The following AREL1 variants were observed in gnomAD, a reference collection of about 807,000 sequenced individuals.
AREL1 encodes the protein apoptosis-resistant E3 ubiquitin protein ligase 1.
A neutral mutation model predicts 99.0 loss-of-function variants in AREL1; 62 were observed. That is an observed-to-expected ratio of 0.63 (90% CI 0.51 to 0.77). The LOEUF (loss-of-function observed/expected upper bound fraction) is 0.77. AREL1 is among the 30% of genes least tolerant of loss of function. The pLI is 0.00. For missense variants in AREL1, 879 were observed against 1,027.6 expected (o/e 0.86, Z 1.98); for synonymous variants, 380 against 376.5 (o/e 1.01, Z -0.11).
intron 10 of AREL1, 23 bp downstream of exon 10, chr14:74,673,054 A>G: frequency 2.5e-6 from 4 of 1,614,004 alleles, no homozygotes; most frequent in Non-Finnish European, 2.5e-6. Context: ...TACCTTCCCT[A>G]TAGAATCCCT....
At chr14:74,685,775 C>A in intron 2 of AREL1, 115 bp from the exon 3 acceptor site, 1 of 796,536 alleles carries the variant, frequency 1.3e-6, no homozygotes, top group South Asian at 1.8e-5. Flanking sequence ...AGTCCAGAGC[C>A]TTACTATTCC....
chr14:74,677,730 C>T (rs570039144), intron 5 of AREL1, among the ~76,000 whole-genome samples: 49 of 151,020 alleles, frequency 3.2e-4, no homozygotes, highest in Non-Finnish European at 6.1e-4. Context: ...CTCAAACTCC[C>T]CACCTTGTAA....
chr14:74,684,346 G>T, intron 4 of AREL1, 108 bp downstream of exon 4: 1 of 958,184 alleles, frequency 1.0e-6, no homozygotes, highest in Non-Finnish European at 1.6e-6. Flanking sequence ...TTCCTGGAGG[G>T]AGTTGAAAAA....
chr14:74,702,002 G>T (rs2090093882), intron 1 of AREL1, among the ~76,000 whole-genome samples: 1 of 152,336 alleles, frequency 6.6e-6, no homozygotes. Flanking sequence ...GGTTCCCATG[G>T]TCTGGGGCAG....
intron 1 of AREL1, among the ~76,000 whole-genome samples, chr14:74,703,879 G>A (rs1481223129): frequency 1.3e-5 from 2 of 152,142 alleles, no homozygotes; most frequent in Admixed American, 6.6e-5. Context: ...GGGTCATATG[G>A]TAAGTATCTA....
At chr14:74,692,682 C>T (rs2089907017) in intron 1 of AREL1, among the ~76,000 whole-genome samples, 1 of 152,112 alleles carries the variant, frequency 6.6e-6, no homozygotes, top group African/African-American at 2.4e-5. Context: ...CATTGAGCTT[C>T]AGAATTAGAC....
chr14:74,679,056 C>G (rs545504511), intron 5 of AREL1, among the ~76,000 whole-genome samples: 112 of 152,298 alleles, frequency 7.4e-4, no homozygotes, highest in South Asian at 6.2e-3. Flanking sequence ...CACGCCACCA[C>G]ACCCAGCTAA....
chr14:74,707,081 G>C (rs757924011), intron 1 of AREL1, among the ~76,000 whole-genome samples: 1 of 152,148 alleles, frequency 6.6e-6, no homozygotes, highest in African/African-American at 2.4e-5. Context: ...AATTATACAC[G>C]ATCTGGTCGG....
chr14:74,682,333 C>CAGCCCTT (rs2089648933), intron 5 of AREL1, among the ~76,000 whole-genome samples: 1 of 152,174 alleles, frequency 6.6e-6, no homozygotes, highest in Non-Finnish European at 1.5e-5. Flanking sequence ...GTGGATACCA[C>CAGCCCTT]AGCCCTTAGC....
chr14:74,674,568 C>G (rs1452437592), intron 8 of AREL1, among the ~76,000 whole-genome samples: 2 of 152,036 alleles, frequency 1.3e-5, no homozygotes, highest in Non-Finnish European at 1.5e-5. Context: ...GACCATGGCA[C>G]TCCAGCATGG....
Position 74,670,091 on chromosome 14 carries a change from G to GTCC in AREL1, c.1643_1644insGGA (p.Arg548_Leu549insAsp), listed in dbSNP as rs1566680161. On this transcript the variant is annotated inframe_insertion, in exon 14 of 20. Transcript: ENST00000356357. ...GTCCCGCAAACTCATACATTTTCAGGCGCAGATGAGCGGGGCGATTAGGGT... is the reference window on the plus strand; with the variant it reads ...GTCCCGCAAACTCATACATTTTCAGGTCCCGCAGATGAGCGGGGCGATTAGGGT... 1.2e-6 allele frequency: 2 copies of GTCC among 1,613,074 alleles called. No individual in the cohort carries two copies. The highest frequency in any genetic ancestry group is 1.7e-6 in the Non-Finnish European group (2 of 1,179,302).
At position 74,676,211 on chromosome 14, in the gene AREL1, G is replaced by A. The variant is rs893843614; in HGVS notation, c.762C>T (p.Cys254=). 6.2e-7 allele frequency: 1 copy of A among 1,614,098 alleles called. No homozygotes were observed. The highest frequency in any genetic ancestry group is 1.3e-5 in the African/African-American group (1 of 75,016). The change falls in exon 7 of 20, where the codon TGC becomes TGT. Residue 254 remains cysteine (C), a synonymous_variant. Coordinates refer to ENST00000356357, the MANE Select transcript of AREL1 (RefSeq NM_001039479.2). ...FLRLTLHSRG[C]FHACISYQNQ... is the part of the protein sequence containing the mutation. ...TTTGGTATGAAATGCAAGCATGGAA[G>A]CAGCCTCGAGAATGCAGGGTGAGTC...
chr14:74,669,837 T>G, intron 14 of AREL1, 63 bp from the exon 15 acceptor site: 1 of 1,599,420 alleles, frequency 6.3e-7, no homozygotes, highest in African/African-American at 1.3e-5. Context: ...GTGTAACTGC[T>G]TAGAACCACT....
At chr14:74,683,712 C>T (rs924562525) in intron 4 of AREL1, among the ~76,000 whole-genome samples, 179 bp from the exon 5 acceptor site, 1 of 152,198 alleles carries the variant, frequency 6.6e-6, no homozygotes, top group Non-Finnish European at 1.5e-5. Context: ...CCCCTCAATA[C>T]TCTAAAGAAA....
chr14:74,675,765 G>A lies in AREL1; in HGVS notation c.1014C>T (p.Pro338=), dbSNP rs748223905. The change falls in exon 8 of 20, where the codon CCC becomes CCT. Residue 338 remains proline (P), a synonymous_variant. Coordinates refer to ENST00000356357, the MANE Select transcript of AREL1 (RefSeq NM_001039479.2). ...CCTTCTCAGGGGTGTGGCACTCAGAGGGCGAGTCTTCATCTTCCTCGTCAA... is the reference window on the plus strand; with the variant it reads ...CCTTCTCAGGGGTGTGGCACTCAGAAGGCGAGTCTTCATCTTCCTCGTCAA... ...TAVDEEDEDS[P]SECHTPEKVK... is the part of the protein sequence containing the mutation. 6.2e-7 allele frequency: 1 copy of A among 1,614,190 alleles called. No individual in the cohort carries two copies. The highest frequency in any genetic ancestry group is 2.2e-5 in the East Asian group (1 of 44,882).
chr14:74,694,475 C>T (rs957646005), intron 1 of AREL1, among the ~76,000 whole-genome samples: 5 of 152,006 alleles, frequency 3.3e-5, no homozygotes, highest in Non-Finnish European at 7.4e-5. Flanking sequence ...ATAAAGAAGA[C>T]TGAAAGGAAA....
At chr14:74,687,013 G>A (rs774894048) in intron 2 of AREL1, among the ~76,000 whole-genome samples, 1 of 152,106 alleles carries the variant, frequency 6.6e-6, no homozygotes, top group Non-Finnish European at 1.5e-5. Flanking sequence ...TCAAAAATCT[G>A]CTACGATCTC....
At position 74,708,031 on chromosome 14, in the gene AREL1, G is replaced by A. The variant is rs2090217797; in HGVS notation, c.-334+4902C>T. ...GTATTCTAGATTCAGTTTGGGTATAGAAAAAGGAAATTAGTGGAGAAACTT... is the reference window on the plus strand; with the variant it reads ...GTATTCTAGATTCAGTTTGGGTATAAAAAAAGGAAATTAGTGGAGAAACTT... On this transcript the variant is annotated intron_variant, in intron 1 of 19. Coordinates refer to ENST00000356357, the MANE Select transcript of AREL1 (RefSeq NM_001039479.2). Among the ~76,000 whole-genome samples, 3 of 151,552 alleles carry A rather than the reference G, an allele frequency of 2.0e-5. No individual in the cohort carries two copies. The South Asian group carries it at 6.2e-4, about 31-fold the overall frequency.
Position 74,684,343 on chromosome 14 carries a change from A to G in AREL1, c.243+111T>C, listed in dbSNP as rs922272618. On this transcript the variant is annotated intron_variant, in intron 4 of 19. Transcript: ENST00000356357. The stretch of plus-strand genomic sequence containing the variant: ...ATAGTAGCAATTCACTAGTTCCTGG[A>G]GGGAGTTGAAAAACAAGAGAAAATG... 1.6e-5 allele frequency: 15 copies of G among 916,638 alleles called. No individual in the cohort carries two copies. In the Admixed American group the frequency reaches 3.6e-4, roughly 22 times the overall value. 56.8% of individuals were successfully genotyped at this position (916,638 alleles called of 1,614,324 possible).
Sources: allele counts gnomAD v4.1 joint callset (sites outside exome capture counted in the v4.1 genomes callset), GRCh38; gene constraint gnomAD v4.1.1; transcripts MANE v1.5; gene names NCBI Gene and HGNC (gene_info 2026-07-23, HGNC 2026-07-21).